The following VAT1L variants were observed in gnomAD, a reference collection of about 807,000 sequenced individuals.
VAT1L encodes putative NADPH-dependent quinone oxidoreductase VAT1L.
A neutral mutation model predicts 44.1 loss-of-function variants in VAT1L; 34 were observed. That is an observed-to-expected ratio of 0.77 (90% confidence interval 0.59 to 1.03). The LOEUF (loss-of-function observed/expected upper bound fraction) is 1.03, where lower values mean the gene tolerates loss of function less well. VAT1L is among the 50% of genes least tolerant of loss of function. The pLI, the probability that VAT1L is intolerant of heterozygous loss-of-function variation, is 0.00. For synonymous variants in VAT1L, 253 were observed against 202.2 expected (o/e 1.25, Z -2.13); for missense variants, 615 against 538.8 (o/e 1.14, Z -1.40).
intron 7 of VAT1L, among the ~76,000 whole-genome samples, chr16:77,895,117 C>CACACACAAACACACA (rs1567500916): frequency 1.3e-5 from 2 of 151,326 alleles, no homozygotes; most frequent in African/African-American, 4.9e-5. Context: ...CACACACACA[C>CACACACAAACACACA]TCACACATTT....
intron 7 of VAT1L, among the ~76,000 whole-genome samples, chr16:77,898,345 T>C (rs1439708203): frequency 1.3e-5 from 2 of 152,184 alleles, no homozygotes; most frequent in African/African-American, 4.8e-5. Context: ...GACACAGTTA[T>C]ATCCATAACA....
chr16:77,897,333 A>G (rs2017334759), intron 7 of VAT1L, among the ~76,000 whole-genome samples: 3 of 152,204 alleles, frequency 2.0e-5, no homozygotes, highest in Admixed American at 1.3e-4. Flanking sequence ...ATTTATGATT[A>G]TTGTGCAATC....
intron 8 of VAT1L, 142 bp downstream of exon 8, chr16:77,972,075 A>C: frequency 2.9e-6 from 2 of 699,292 alleles, no homozygotes; most frequent in Admixed American, 2.9e-5. Context: ...AAATGATGTC[A>C]TACATGAGGG....
intron 2 of VAT1L, among the ~76,000 whole-genome samples, chr16:77,817,883 C>A (rs182703959): frequency 5.3e-5 from 8 of 152,226 alleles, no homozygotes; most frequent in Admixed American, 5.2e-4. Context: ...ACTAAGTGCT[C>A]CCCTAGGGAG....
At chr16:77,962,003 GTCC>G (rs2018165029) in intron 7 of VAT1L, among the ~76,000 whole-genome samples, 1 of 152,126 alleles carries the variant, frequency 6.6e-6, no homozygotes, top group Non-Finnish European at 1.5e-5. Context: ...GAGTATCATA[GTCC>G]TCCTGGTCAG....
intron 7 of VAT1L, among the ~76,000 whole-genome samples, chr16:77,940,169 T>A (rs570097710): frequency 6.6e-6 from 1 of 152,244 alleles, no homozygotes; most frequent in South Asian, 2.1e-4. Flanking sequence ...AAGCAAATCT[T>A]AGGGGTGGGG....
At chr16:77,870,116 A>G (rs906067572) in intron 4 of VAT1L, among the ~76,000 whole-genome samples, 1 of 152,244 alleles carries the variant, frequency 6.6e-6, no homozygotes, top group Admixed American at 6.5e-5. Flanking sequence ...CCTACCACAC[A>G]TCAGCACTGG....
intron 7 of VAT1L, among the ~76,000 whole-genome samples, chr16:77,963,159 A>G (rs2142536693): frequency 1.3e-5 from 2 of 152,296 alleles, no homozygotes; most frequent in South Asian, 4.1e-4. Flanking sequence ...CGAGCAGAAT[A>G]ATACCACGCA....
At chr16:77,841,046 T>G (rs185210897) in intron 3 of VAT1L, among the ~76,000 whole-genome samples, 1 of 152,356 alleles carries the variant, frequency 6.6e-6, no homozygotes, top group Non-Finnish European at 1.5e-5. Flanking sequence ...AAGTTAACTA[T>G]TAAATCAAAT....
chr16:77,852,046 T>C (rs2016813558), intron 3 of VAT1L, among the ~76,000 whole-genome samples: 1 of 152,148 alleles, frequency 6.6e-6, no homozygotes, highest in African/African-American at 2.4e-5. Flanking sequence ...TGGGTCTTGT[T>C]CTGAAAGCGG....
At position 77,833,700 on chromosome 16, in the gene VAT1L, G is replaced by A. The variant is rs774188301; in HGVS notation, c.579+8239G>A. ...AGGGAGTCGGAGGTTGCAGTGAGCC[G>A]GGATCACACCATTGCACTCCGGCCT... On this transcript the variant is annotated intron_variant, in intron 3 of 8. Transcript: ENST00000302536. Among the ~76,000 whole-genome samples the A allele has an allele frequency of 3.9e-5, 6 of 151,938 alleles. No individual in the cohort carries two copies. The East Asian group carries it at 9.7e-4, about 24-fold the overall frequency.
chr16:77,967,491 C>T, intron 7 of VAT1L, among the ~76,000 whole-genome samples: 1 of 152,162 alleles, frequency 6.6e-6, no homozygotes, highest in East Asian at 1.9e-4. Flanking sequence ...CAAGAGCAGC[C>T]TAACAAGAGG....
At chr16:77,946,279 C>CTTTTTTGTTTTTTTTTTTTTTTTTTTT (rs2017963751) in intron 7 of VAT1L, among the ~76,000 whole-genome samples, 1 of 70,428 alleles carries the variant, frequency 1.4e-5, no homozygotes, top group Non-Finnish European at 2.5e-5. Context: ...GTTACTTGTT[C>CTTTTTTGTTTTTTTTTTTTTTTTTTTT]TTTTTTTTTT....
At chr16:77,820,996 T>G (rs1454337729) in intron 2 of VAT1L, among the ~76,000 whole-genome samples, 1 of 152,222 alleles carries the variant, frequency 6.6e-6, no homozygotes, top group Non-Finnish European at 1.5e-5. Context: ...ATGTTTCCTA[T>G]GAGACTACTG....
chr16:77,967,441 A>T (rs1183618203), intron 7 of VAT1L, among the ~76,000 whole-genome samples: 1 of 152,246 alleles, frequency 6.6e-6, no homozygotes, highest in Non-Finnish European at 1.5e-5. Flanking sequence ...ATCAAGAACA[A>T]TATCATTTCT....
In VAT1L at chr16:77,881,778, C is replaced by T. The variant is rs538525102; in HGVS notation, c.882+2554C>T. The stretch of plus-strand genomic sequence containing the variant: ...ATGAAGGATGCTGTCTGGAGTGTGT[C>T]CCCTGAAGACAGGCTTTGTGCCATG... On this transcript the variant is annotated intron_variant, in intron 6 of 8. Coordinates refer to ENST00000302536, the MANE Select transcript of VAT1L (RefSeq NM_020927.3). Among the ~76,000 whole-genome samples, 5 of 152,322 alleles carry T rather than the reference C, an allele frequency of 3.3e-5. No individual in the cohort carries two copies. The South Asian group carries it at 1.0e-3, about 32-fold the overall frequency.
intron 7 of VAT1L, among the ~76,000 whole-genome samples, chr16:77,947,880 C>G (rs544346768): frequency 5.3e-5 from 8 of 152,310 alleles, no homozygotes; most frequent in African/African-American, 1.7e-4. Context: ...CTGCCTCAGC[C>G]TCCCAAGTAG....
chr16:77,792,835 T>C (rs1223772324), intron 1 of VAT1L, among the ~76,000 whole-genome samples: 1 of 152,206 alleles, frequency 6.6e-6, no homozygotes, highest in Non-Finnish European at 1.5e-5. Flanking sequence ...CATTTTATAA[T>C]AGCATCCCCC....
intron 7 of VAT1L, among the ~76,000 whole-genome samples, chr16:77,899,139 A>G (rs2017354989): frequency 1.3e-5 from 2 of 152,168 alleles, no homozygotes; most frequent in African/African-American, 4.8e-5. Context: ...GTAGGGAAAG[A>G]ACTATTATTG....
Sources: gnomAD v4.1 joint callset for allele counts (sites outside exome capture counted in the v4.1 genomes callset) on GRCh38, gnomAD v4.1.1 for gene constraint, MANE v1.5 for transcripts, NCBI Gene and HGNC (gene_info 2026-07-23, HGNC 2026-07-21) for gene names.